Variants in ELOVL4 observed in about 807,000 individuals in gnomAD.
ELOVL4 encodes ELOVL fatty acid elongase 4, also known as very long chain fatty acid elongase 4.
In ELOVL4, 18 loss-of-function variants were observed where a neutral mutation model predicts 42.1. The observed-to-expected ratio is 0.43, with a 90% CI of 0.30 to 0.63. The LOEUF (loss-of-function observed/expected upper bound fraction) is 0.63. Among genes scored for constraint, ELOVL4 ranks in the 30% least tolerant of loss-of-function variants. The pLI is 0.15. For missense variants in ELOVL4, 299 were observed against 376.2 expected (o/e 0.79, Z 1.70); for synonymous variants, 117 against 127.0 (o/e 0.92, Z 0.53).
intron 5 of ELOVL4, among the ~76,000 whole-genome samples, chr6:79,917,100 T>A (rs1774175747): frequency 6.6e-6 from 1 of 151,244 alleles, no homozygotes; most frequent in Non-Finnish European, 1.5e-5. Context: ...CAATTGGCCC[T>A]CCCAATCCCA....
intron 4 of ELOVL4, among the ~76,000 whole-genome samples, chr6:79,920,277 TG>T (rs1774231642): frequency 6.6e-6 from 1 of 152,164 alleles, no homozygotes; most frequent in East Asian, 1.9e-4. Flanking sequence ...TATAATGACT[TG>T]TACCCTGGAT....
At position 79,916,472 on chromosome 6, in the gene ELOVL4, A is replaced by G; in HGVS notation, c.*136T>C. 1.1e-6 allele frequency: 1 copy of G among 942,932 alleles called. No homozygotes were observed. Among genetic ancestry groups the G allele is most frequent in the Non-Finnish European group, 1.7e-6 (1 of 595,712 alleles). The allele number at this position is 942,932 out of a possible 1,614,324, so 58.4% of individuals were successfully genotyped here. A position where few individuals can be genotyped will look rare whatever the true frequency, so the allele number is the denominator to read the frequency against. ...ATGGTATTAACACTTTACTCAGTCT[A>G]AGAGTTACTAGGACATAGAGCACAT... is the stretch of plus-strand genomic sequence containing the variant. On this transcript the variant is annotated 3_prime_UTR_variant, in exon 6 of 6. Transcript: ENST00000369816.
In ELOVL4 at chr6:79,916,309, T is replaced by G; in HGVS notation, c.*299A>C. 1 of 355,122 alleles carries G rather than the reference T, an allele frequency of 2.8e-6. No individual in the cohort carries two copies. Among genetic ancestry groups the G allele is most frequent in the Non-Finnish European group, 5.2e-6 (1 of 192,970 alleles). 22.0% of individuals were successfully genotyped at this position (355,122 alleles called of 1,614,324 possible). On this transcript the variant is annotated 3_prime_UTR_variant, in exon 6 of 6. Coordinates refer to ENST00000369816, the MANE Select transcript of ELOVL4 (RefSeq NM_022726.4). ...GTGACTATAAGATACATGAAAAATCTCATCCTTTAGACAACTGGATGTGAA... is the reference window on the plus strand; with the variant it reads ...GTGACTATAAGATACATGAAAAATCGCATCCTTTAGACAACTGGATGTGAA...
chr6:79,932,292 G>A (rs1319567511), intron 1 of ELOVL4, among the ~76,000 whole-genome samples: 2 of 152,170 alleles, frequency 1.3e-5, no homozygotes, highest in Admixed American at 6.5e-5. Flanking sequence ...TGTAATCCCA[G>A]CACTTTGGGA....
intron 1 of ELOVL4, among the ~76,000 whole-genome samples, chr6:79,930,826 G>A (rs530992395): frequency 1.8e-4 from 28 of 152,050 alleles, no homozygotes; most frequent in Non-Finnish European, 3.5e-4. Context: ...TCTCATTTGG[G>A]CTATGTATTG....
intron 1 of ELOVL4, among the ~76,000 whole-genome samples, chr6:79,926,738 C>T (rs1164864111): frequency 6.6e-6 from 1 of 152,152 alleles, no homozygotes; most frequent in African/African-American, 2.4e-5. Flanking sequence ...AAACATTTGT[C>T]TTCCATATTA....
intron 1 of ELOVL4, among the ~76,000 whole-genome samples, chr6:79,934,747 G>A (rs1382181454): frequency 6.6e-6 from 1 of 152,178 alleles, no homozygotes; most frequent in Non-Finnish European, 1.5e-5. Context: ...ATAGATGATA[G>A]TAGGGCTGTT....
intron 1 of ELOVL4, among the ~76,000 whole-genome samples, chr6:79,943,650 C>T (rs1457284938): frequency 6.6e-6 from 1 of 152,168 alleles, no homozygotes; most frequent in African/African-American, 2.4e-5. Flanking sequence ...AGGGGAATGA[C>T]AGTGACCCCC....
chr6:79,929,418 T>C (rs1230573754), intron 1 of ELOVL4, among the ~76,000 whole-genome samples: 1 of 152,124 alleles, frequency 6.6e-6, no homozygotes, highest in Admixed American at 6.5e-5. Flanking sequence ...TTTTTGTATT[T>C]TTTGTAGAGA....
intron 3 of ELOVL4, among the ~76,000 whole-genome samples, chr6:79,923,534 T>G (rs147646807): frequency 0.016 from 2,472 of 152,298 alleles, 29 homozygotes; most frequent in South Asian, 0.038. Flanking sequence ...AAGTCAGCCC[T>G]CCAACTGAAG....
chr6:79,943,543 T>C (rs1459971126), intron 1 of ELOVL4, among the ~76,000 whole-genome samples: 1 of 152,188 alleles, frequency 6.6e-6, no homozygotes, highest in African/African-American at 2.4e-5. Context: ...GAAGTAGAGA[T>C]GAGAAGAGCA....
intron 1 of ELOVL4, among the ~76,000 whole-genome samples, chr6:79,941,340 C>T (rs1215060340): frequency 6.6e-6 from 1 of 152,150 alleles, no homozygotes; most frequent in African/African-American, 2.4e-5. Context: ...AAATCCCAGT[C>T]CAGAATTCTT....
chr6:79,916,484 G>C lies in ELOVL4; in HGVS notation c.*124C>G. On this transcript the variant is annotated 3_prime_UTR_variant, in exon 6 of 6. Transcript: ENST00000369816. ...CTTTACTCAGTCTAAGAGTTACTAG[G>C]ACATAGAGCACATTTGTCTTTTCTC... The C allele has an allele frequency of 9.6e-7, 1 of 1,045,144 alleles. No individual in the cohort carries two copies. Among genetic ancestry groups the C allele is most frequent in the African/African-American group, 1.6e-5 (1 of 63,224 alleles). The allele number at this position is 1,045,144 out of a possible 1,614,324, so 64.7% of individuals were successfully genotyped here.
chr6:79,946,603 T>C (rs1774746363), intron 1 of ELOVL4, among the ~76,000 whole-genome samples: 1 of 152,150 alleles, frequency 6.6e-6, no homozygotes, highest in African/African-American at 2.4e-5. Context: ...CTAACATTCT[T>C]CAAGGTTCAA....
chr6:79,921,637 C>A lies in ELOVL4; in HGVS notation c.529G>T (p.Ala177Ser). The change falls in exon 4 of 6, where the codon GCA (alanine) becomes TCA (serine). Residue 177 changes from alanine (A) to serine (S), a missense_variant. Coordinates refer to ENST00000369816, the MANE Select transcript of ELOVL4 (RefSeq NM_022726.4). ...TGAAAATGCTCACCTTGTCCTCCTG[C>A]AACCCACTTAATTCCAATCCACCAC... Reference protein sequence around the residue: ...TLWWIGIKWVAGGQAFFGAQL... With the variant: ...TLWWIGIKWVSGGQAFFGAQL... The A allele has an allele frequency of 3.1e-6, 5 of 1,614,006 alleles. No individual in the cohort carries two copies. Among genetic ancestry groups the A allele is most frequent in the Non-Finnish European group, 4.2e-6 (5 of 1,179,986 alleles).
At position 79,927,818 on chromosome 6, in the gene ELOVL4, T is replaced by C. The variant is rs115369330; in HGVS notation, c.101-1437A>G. 5.7e-3 allele frequency among the ~76,000 whole-genome samples: 871 copies of C among 152,304 alleles called. 8 individuals are homozygous for C. Among genetic ancestry groups the C allele is most frequent in the African/African-American group, 0.02 (820 of 41,572 alleles). On this transcript the variant is annotated intron_variant, in intron 1 of 5. Transcript: ENST00000369816. ...GGAGGTCTACTATTCATAGAGATTA[T>C]GGCTATATCACTCAAATCAAACACA...
At chr6:79,932,953 C>A (rs1312125583) in intron 1 of ELOVL4, among the ~76,000 whole-genome samples, 1 of 151,834 alleles carries the variant, frequency 6.6e-6, no homozygotes, top group Admixed American at 6.6e-5. Flanking sequence ...TTTCACGGGG[C>A]AGAATTAGAA....
At position 79,933,640 on chromosome 6, in the gene ELOVL4, T is replaced by TCTACCA. The variant is rs561332546; in HGVS notation, c.101-7265_101-7260dup. Among the ~76,000 whole-genome samples, 209 of 152,250 alleles carry TCTACCA rather than the reference T, an allele frequency of 1.4e-3. 1 individual carries two copies. The highest frequency in any genetic ancestry group is 4.9e-3 in the African/African-American group (203 of 41,542). ...CTGCATCAGTGGTTCTCAATACTTG[T>TCTACCA]CTACCACTAGACTACCCATGTAAGA... On this transcript the variant is annotated intron_variant, in intron 1 of 5. Transcript: ENST00000369816.
intron 1 of ELOVL4, among the ~76,000 whole-genome samples, chr6:79,926,977 A>C (rs1774354350): frequency 1.3e-5 from 2 of 152,214 alleles, no homozygotes; most frequent in Admixed American, 6.5e-5. Context: ...TAACTTTTTC[A>C]TTGAGAACAT....
Sources: gnomAD v4.1 joint callset for allele counts (sites outside exome capture counted in the v4.1 genomes callset) on GRCh38, gnomAD v4.1.1 for gene constraint, MANE v1.5 for transcripts, NCBI Gene and HGNC (gene_info 2026-07-23, HGNC 2026-07-21) for gene names.